The following IQCM variants were observed in gnomAD, a reference collection of about 807,000 sequenced individuals.
The protein encoded by IQCM is IQ domain-containing protein M.
In IQCM, 45 loss-of-function variants were observed where a neutral mutation model predicts 57.6. The ratio of observed to expected loss-of-function variants is 0.78; its 90% CI spans 0.62 to 1.00. The LOEUF is 1.00. Ranked by LOEUF, IQCM falls within the 50% of genes least tolerant of loss-of-function variation. IQCM has a pLI of 0.00. For synonymous variants in IQCM, 148 were observed against 158.9 expected (o/e 0.93, Z 0.51); for missense variants, 468 against 511.6 (o/e 0.91, Z 0.82).
chr4:149,580,255 G>A (rs756229299), intron 9 of IQCM, among the ~76,000 whole-genome samples: 31 of 151,872 alleles, frequency 2.0e-4, no homozygotes, highest in Non-Finnish European at 1.2e-4. Context: ...ATCTATCTTT[G>A]AGAAACTGGA....
intron 2 of IQCM, among the ~76,000 whole-genome samples, chr4:149,745,471 C>T (rs1413405428): frequency 6.6e-6 from 1 of 152,162 alleles, no homozygotes; most frequent in Non-Finnish European, 1.5e-5. Context: ...CAAGGATGAC[C>T]TACCTTCTCA....
chr4:149,387,373 C>T (rs536437464), intron 13 of IQCM, among the ~76,000 whole-genome samples: 17 of 152,060 alleles, frequency 1.1e-4, no homozygotes, highest in African/African-American at 3.4e-4. Flanking sequence ...ACAGACTTTC[C>T]GATCATAGCA....
chr4:149,674,381 A>C (rs902633405), intron 7 of IQCM, among the ~76,000 whole-genome samples: 12 of 152,306 alleles, frequency 7.9e-5, no homozygotes, highest in Admixed American at 6.5e-4. Context: ...TAGTATGAAC[A>C]AATCAGTCAA....
At chr4:149,581,511 A>C (rs1752180781) in intron 9 of IQCM, among the ~76,000 whole-genome samples, 3 of 151,766 alleles carry the variant, frequency 2.0e-5, no homozygotes. Flanking sequence ...AAGAACAGGA[A>C]GGAAGGAGAA....
chr4:149,606,130 C>T (rs962451114), intron 8 of IQCM, among the ~76,000 whole-genome samples: 4 of 152,110 alleles, frequency 2.6e-5, no homozygotes, highest in Non-Finnish European at 4.4e-5. Context: ...GGGTGAAACC[C>T]AGTTCTGTGC....
At chr4:149,561,565 T>G (rs1267190468) in intron 10 of IQCM, among the ~76,000 whole-genome samples, 1 of 152,132 alleles carries the variant, frequency 6.6e-6, no homozygotes, top group Non-Finnish European at 1.5e-5. Flanking sequence ...CTAAACACCA[T>G]TCTAGGCATT....
intron 12 of IQCM, among the ~76,000 whole-genome samples, chr4:149,483,470 C>T (rs1741132159): frequency 6.6e-6 from 1 of 151,712 alleles, no homozygotes. Flanking sequence ...TGTTGAGTTT[C>T]CATTACTAAC....
At chr4:149,425,352 G>T (rs1369494401) in intron 13 of IQCM, among the ~76,000 whole-genome samples, 1 of 151,976 alleles carries the variant, frequency 6.6e-6, no homozygotes, top group Admixed American at 6.6e-5. Flanking sequence ...ACAGTCTGCT[G>T]TCTGTAACCT....
intron 12 of IQCM, among the ~76,000 whole-genome samples, chr4:149,524,339 A>G (rs1008691308): frequency 3.3e-5 from 5 of 152,172 alleles, no homozygotes; most frequent in African/African-American, 9.6e-5. Context: ...ACAAATGTAC[A>G]GTACAGATAT....
At chr4:149,360,793 G>A (rs1482061795) in intron 13 of IQCM, among the ~76,000 whole-genome samples, 1 of 152,104 alleles carries the variant, frequency 6.6e-6, no homozygotes, top group Non-Finnish European at 1.5e-5. Flanking sequence ...TTTATTAGCA[G>A]GGTGAAAACA....
intron 5 of IQCM, among the ~76,000 whole-genome samples, chr4:149,689,730 A>G (rs910939972): frequency 3.9e-5 from 6 of 152,078 alleles, no homozygotes; most frequent in African/African-American, 1.4e-4. Flanking sequence ...ACAAATCAAT[A>G]AGAAAAAAAT....
chr4:149,454,345 T>A (rs1255422960), intron 12 of IQCM, among the ~76,000 whole-genome samples: 4 of 151,794 alleles, frequency 2.6e-5, no homozygotes, highest in Non-Finnish European at 2.9e-5. Flanking sequence ...GGGGCCATTA[T>A]CCTAAGCGAA....
chr4:149,731,374 A>G (rs1175810069), intron 5 of IQCM, among the ~76,000 whole-genome samples: 2 of 152,132 alleles, frequency 1.3e-5, no homozygotes, highest in Non-Finnish European at 2.9e-5. Context: ...TTGGAAGCAG[A>G]GACTGGACCC....
intron 2 of IQCM, among the ~76,000 whole-genome samples, chr4:149,769,291 C>T (rs896429739): frequency 1.3e-5 from 2 of 151,984 alleles, no homozygotes; most frequent in Non-Finnish European, 2.9e-5. Context: ...ATTCAACTGC[C>T]TGCTGGACAT....
chr4:149,647,780 T>C (rs1406154586), intron 7 of IQCM, among the ~76,000 whole-genome samples: 2 of 152,216 alleles, frequency 1.3e-5, no homozygotes, highest in African/African-American at 4.8e-5. Flanking sequence ...AATTAATGTC[T>C]CTCATCATTT....
chr4:149,517,288 C>T (rs1196816969), intron 12 of IQCM, among the ~76,000 whole-genome samples: 1 of 152,088 alleles, frequency 6.6e-6, no homozygotes, highest in African/African-American at 2.4e-5. Flanking sequence ...TTGTTAAAAA[C>T]ATGTTTGTGC....
chr4:149,504,841 A>G (rs1045922482), intron 12 of IQCM, among the ~76,000 whole-genome samples: 1 of 152,136 alleles, frequency 6.6e-6, no homozygotes, highest in Admixed American at 6.6e-5. Context: ...TGAGCCCAGG[A>G]GGCAGAGGTT....
At chr4:149,400,467 G>T (rs2111126869) in intron 13 of IQCM, among the ~76,000 whole-genome samples, 1 of 152,078 alleles carries the variant, frequency 6.6e-6, no homozygotes, top group Middle Eastern at 3.4e-3. Flanking sequence ...TATTTTAAGA[G>T]CTGCCTTTCT....
At chr4:149,580,479 T>C (rs184624485) in intron 9 of IQCM, among the ~76,000 whole-genome samples, 2 of 151,898 alleles carry the variant, frequency 1.3e-5, no homozygotes, top group East Asian at 3.9e-4. Context: ...TAAACTCATT[T>C]TCTTTATTTT....
Sources: gnomAD v4.1 joint callset for allele counts (sites outside exome capture counted in the v4.1 genomes callset) on GRCh38, gnomAD v4.1.1 for gene constraint, MANE v1.5 for transcripts, NCBI Gene and HGNC (gene_info 2026-07-23, HGNC 2026-07-21) for gene names.